NPTN: variants seen among roughly 807,000 people sequenced by gnomAD.
NPTN encodes SDR-1.
In NPTN, 5 loss-of-function variants were observed where a neutral mutation model predicts 42.7. The ratio of observed to expected loss-of-function variants is 0.12; its 90% CI spans 0.06 to 0.25. The LOEUF (loss-of-function observed/expected upper bound fraction) is 0.25. NPTN is among the 10% of genes least tolerant of loss of function. The pLI, the probability that NPTN is intolerant of heterozygous loss-of-function variation, is 1.00. For synonymous variants in NPTN, 180 were observed against 201.9 expected (o/e 0.89, Z 0.92); for missense variants, 307 against 525.4 (o/e 0.58, Z 4.06).
chr15:73,592,759 T>C (rs1595928832), intron 2 of NPTN, among the ~76,000 whole-genome samples: 1 of 152,312 alleles, frequency 6.6e-6, no homozygotes. Context: ...CAGTTCCTCC[T>C]CTCCAGCCAT....
chr15:73,598,866 T>C (rs1896948541), intron 1 of NPTN, among the ~76,000 whole-genome samples: 1 of 152,190 alleles, frequency 6.6e-6, no homozygotes, highest in African/African-American at 2.4e-5. Context: ...AAAATTCCTG[T>C]TTACATCCAT....
Position 73,600,940 on chromosome 15 carries a change from G to A in NPTN, c.92-3571C>T, listed in dbSNP as rs116635397. On this transcript the variant is annotated intron_variant, in intron 1 of 8. Coordinates refer to ENST00000345330, the MANE Select transcript of NPTN (RefSeq NM_012428.4). The stretch of plus-strand genomic sequence containing the variant: ...CAATGCCCTGCTCTGGAGAAGGCTG[G>A]CTTCAGAGAAGGAAGGAATTTACAA... Among the ~76,000 whole-genome samples the A allele has an allele frequency of 5.8e-3, 885 of 152,300 alleles. 5 individuals carry two copies. Among genetic ancestry groups the A allele is most frequent in the African/African-American group, 0.02 (842 of 41,562 alleles).
chr15:73,596,963 A>C, intron 2 of NPTN, 59 bp downstream of exon 2: 1 of 1,360,284 alleles, frequency 7.4e-7, no homozygotes, highest in Non-Finnish European at 1.0e-6. Context: ...GCAGAAGGGA[A>C]GGGTCATTGG....
At chr15:73,581,865 C>T (rs1403550487) in intron 4 of NPTN, among the ~76,000 whole-genome samples, 2 of 151,340 alleles carry the variant, frequency 1.3e-5, no homozygotes, top group Non-Finnish European at 2.9e-5. Context: ...GACAGAGTTT[C>T]GCTCTGTCGC....
rs746760662 is a variant in NPTN at position 73,573,807 on chromosome 15, C to T, written c.707-12G>A. On this transcript the variant is annotated splice_polypyrimidine_tract_variant and intron_variant, in intron 4 of 8. Coordinates refer to ENST00000345330, the MANE Select transcript of NPTN (RefSeq NM_012428.4). ...GATGTCAGGAGCGGCTGTGAGAAAG[C>T]GTTAGACGCAGTTACCACGGAAGTC... 8 of 1,603,832 alleles carry T rather than the reference C, an allele frequency of 5.0e-6. No homozygotes were observed. The East Asian group carries it at 6.8e-5, about 14-fold the overall frequency.
intron 6 of NPTN, among the ~76,000 whole-genome samples, chr15:73,566,142 T>G (rs1894986737): frequency 6.6e-6 from 1 of 152,258 alleles, no homozygotes; most frequent in Non-Finnish European, 1.5e-5. Flanking sequence ...AGGTAACTTG[T>G]TATTGACCCA....
intron 1 of NPTN, among the ~76,000 whole-genome samples, chr15:73,604,414 A>G (rs1217511306): frequency 6.6e-6 from 1 of 152,158 alleles, no homozygotes; most frequent in Non-Finnish European, 1.5e-5. Context: ...TGGGGTCACA[A>G]CATTGCACTC....
intron 2 of NPTN, 45 bp from the exon 3 acceptor site, chr15:73,592,182 C>G (rs1896623327): frequency 6.5e-7 from 1 of 1,546,938 alleles, no homozygotes; most frequent in South Asian, 1.2e-5. Flanking sequence ...GCCTTCCATC[C>G]TCTGTAGCCC....
chr15:73,563,342 GA>G, intron 6 of NPTN, 85 bp from the exon 7 acceptor site: 1 of 1,579,740 alleles, frequency 6.3e-7, no homozygotes, highest in Non-Finnish European at 8.6e-7. Context: ...AGGATTAACA[GA>G]ATAGCAAACT....
At chr15:73,632,032 A>T (rs967544499) in intron 1 of NPTN, among the ~76,000 whole-genome samples, 8 of 151,964 alleles carry the variant, frequency 5.3e-5, no homozygotes, top group Admixed American at 5.2e-4. Flanking sequence ...AAACTTTTAA[A>T]TCTCAAAAAT....
intron 1 of NPTN, among the ~76,000 whole-genome samples, chr15:73,603,574 CAG>C (rs147363875): frequency 0.02 from 3,071 of 152,240 alleles, 55 homozygotes; most frequent in East Asian, 0.054. Context: ...CAAGTGTTTT[CAG>C]AGTTATAAAC....
chr15:73,572,591 T>C (rs778642353), intron 5 of NPTN, among the ~76,000 whole-genome samples: 1 of 152,078 alleles, frequency 6.6e-6, no homozygotes, highest in African/African-American at 2.4e-5. Flanking sequence ...GTACTAGTAA[T>C]TGCCCTCAGT....
chr15:73,614,315 G>A (rs999310105), intron 1 of NPTN, among the ~76,000 whole-genome samples: 2 of 124,008 alleles, frequency 1.6e-5, no homozygotes, highest in Non-Finnish European at 3.7e-5. Flanking sequence ...AGTAGACCCT[G>A]TCTTAAAAAA....
At chr15:73,575,507 T>C (rs1230192391) in intron 4 of NPTN, among the ~76,000 whole-genome samples, 1 of 152,244 alleles carries the variant, frequency 6.6e-6, no homozygotes, top group Non-Finnish European at 1.5e-5. Flanking sequence ...TATGCCTTGG[T>C]CCCAATTCCA....
At chr15:73,584,393 A>T (rs935893324) in intron 4 of NPTN, among the ~76,000 whole-genome samples, 9 of 151,672 alleles carry the variant, frequency 5.9e-5, no homozygotes, top group African/African-American at 1.5e-4. Context: ...AGCACTTTTT[A>T]AAAAAAAATT....
At chr15:73,618,312 A>G (rs1897962225) in intron 1 of NPTN, among the ~76,000 whole-genome samples, 1 of 152,212 alleles carries the variant, frequency 6.6e-6, no homozygotes, top group Non-Finnish European at 1.5e-5. Flanking sequence ...ATACAAAGAA[A>G]GTCATTAAAC....
chr15:73,567,018 TTTTTTA>T (rs1895061404), intron 6 of NPTN: 2 of 978,034 alleles, frequency 2.0e-6, no homozygotes, highest in Non-Finnish European at 2.4e-6. Context: ...TTTTTTTTTT[TTTTTTA>T]AAGGAAGCAG....
chr15:73,575,365 C>T (rs1049059588), intron 4 of NPTN, among the ~76,000 whole-genome samples: 1 of 152,262 alleles, frequency 6.6e-6, no homozygotes, highest in African/African-American at 2.4e-5. Context: ...GATCTGCCCG[C>T]CTCAGCCTCC....
At chr15:73,632,730 T>A (rs1248455419) in intron 1 of NPTN, 1 of 177,356 alleles carries the variant, frequency 5.6e-6, no homozygotes, top group Non-Finnish European at 1.2e-5. Flanking sequence ...GACACCACCA[T>A]CCCCGTCGCC....
Sources: gnomAD v4.1 joint callset for allele counts (sites outside exome capture counted in the v4.1 genomes callset) on GRCh38, gnomAD v4.1.1 for gene constraint, MANE v1.5 for transcripts, NCBI Gene and HGNC (gene_info 2026-07-23, HGNC 2026-07-21) for gene names.